Variants in TACR1 observed in about 807,000 individuals in gnomAD.
The protein encoded by TACR1 is substance-P receptor.
TACR1 carries 25 observed loss-of-function variants against 35.8 expected under a neutral mutation model. That is an observed-to-expected ratio of 0.70 (90% CI 0.51 to 0.98). The LOEUF (loss-of-function observed/expected upper bound fraction) is 0.98. Among genes scored for constraint, TACR1 ranks in the 50% least tolerant of loss-of-function variants. The probability of loss-of-function intolerance (pLI) is 0.00; values close to 1 mark genes in which losing one functional copy is unlikely to be tolerated. For missense variants in TACR1, 478 were observed against 522.9 expected (o/e 0.91, Z 0.84); for synonymous variants, 195 against 206.7 (o/e 0.94, Z 0.48).
intron 1 of TACR1, among the ~76,000 whole-genome samples, chr2:75,139,590 G>T (rs890779468): frequency 2.0e-5 from 3 of 152,198 alleles, no homozygotes; most frequent in Non-Finnish European, 4.4e-5. Flanking sequence ...AAGCCACTAG[G>T]TCTCTACATA....
At chr2:75,063,451 C>T (rs1397391248) in intron 2 of TACR1, among the ~76,000 whole-genome samples, 1 of 152,160 alleles carries the variant, frequency 6.6e-6, no homozygotes, top group Non-Finnish European at 1.5e-5. Flanking sequence ...AACTATTCAG[C>T]CCATTAAGGA....
At chr2:75,115,634 C>A (rs1205659928) in intron 2 of TACR1, among the ~76,000 whole-genome samples, 2 of 151,994 alleles carry the variant, frequency 1.3e-5, no homozygotes, top group Admixed American at 1.3e-4. Context: ...AGGCCGGGCA[C>A]GGTGGCTCAC....
At chr2:75,130,895 C>A (rs113843204) in intron 1 of TACR1, among the ~76,000 whole-genome samples, 3,127 of 152,224 alleles carry the variant, frequency 0.021, 101 homozygotes, top group African/African-American at 0.07. Flanking sequence ...ATTAAATGAC[C>A]GTTGTTCTAA....
intron 2 of TACR1, among the ~76,000 whole-genome samples, chr2:75,098,912 C>CT (rs201792078): frequency 0.2 from 28,317 of 144,604 alleles, 3,473 homozygotes; most frequent in East Asian, 0.49. Flanking sequence ...CAAATTAAGG[C>CT]TTTTTTTTTT....
At chr2:75,117,967 T>C (rs1184735408) in intron 2 of TACR1, among the ~76,000 whole-genome samples, 1 of 152,240 alleles carries the variant, frequency 6.6e-6, no homozygotes, top group Non-Finnish European at 1.5e-5. Context: ...TCTGTACTAT[T>C]AGGCTCAGAG....
intron 1 of TACR1, among the ~76,000 whole-genome samples, chr2:75,185,207 AAG>A (rs1333209948): frequency 1.3e-5 from 2 of 152,016 alleles, no homozygotes; most frequent in Admixed American, 1.3e-4. Context: ...GCATTTAAAA[AAG>A]AGGTAATCTA....
In TACR1 at chr2:75,198,446, AT is replaced by A. The variant is rs1324689087; in HGVS notation, c.389+99del. 48 of 1,409,784 alleles carry A rather than the reference AT, an allele frequency of 3.4e-5. No homozygotes were observed. In the East Asian group the frequency reaches 1.0e-3, roughly 30 times the overall value. The allele number at this position is 1,409,784 out of a possible 1,614,324, so 87.3% of individuals were successfully genotyped here. ...AGTAAAAAAACCCTCAGAGTGGCCA[AT>A]CTTCCACTTGACCCATACCCCACCC... On this transcript the variant is annotated intron_variant, in intron 1 of 4. Transcript: ENST00000305249.
At chr2:75,053,148 A>G (rs1672500623) in intron 3 of TACR1, among the ~76,000 whole-genome samples, 1 of 152,120 alleles carries the variant, frequency 6.6e-6, no homozygotes. Flanking sequence ...ACTGCAAAGA[A>G]ACTCACTCAC....
intron 2 of TACR1, among the ~76,000 whole-genome samples, chr2:75,078,610 C>T (rs1673022962): frequency 6.6e-6 from 1 of 152,288 alleles, no homozygotes; most frequent in East Asian, 1.9e-4. Flanking sequence ...TCCACCTGAA[C>T]CTACTCCAGT....
chr2:75,079,648 T>G (rs1286599799), intron 2 of TACR1, among the ~76,000 whole-genome samples: 4 of 152,162 alleles, frequency 2.6e-5, no homozygotes, highest in Non-Finnish European at 5.9e-5. Flanking sequence ...TTCTTTCTCT[T>G]GAAGGTTCCC....
intron 2 of TACR1, among the ~76,000 whole-genome samples, chr2:75,063,714 A>G (rs1040920743): frequency 5.3e-5 from 8 of 152,136 alleles, no homozygotes; most frequent in African/African-American, 1.9e-4. Context: ...CACATCCTTT[A>G]TCTATGGCAG....
At chr2:75,178,870 G>A (rs867512746) in intron 1 of TACR1, among the ~76,000 whole-genome samples, 3 of 151,970 alleles carry the variant, frequency 2.0e-5, no homozygotes, top group South Asian at 2.1e-4. Flanking sequence ...CCATCTCATC[G>A]TCCTGATTTT....
rs142662817 is a variant in TACR1, at chr2:75,193,995, A to G, written c.389+4551T>C. Among the ~76,000 whole-genome samples, 4 of 152,172 alleles carry G rather than the reference A, an allele frequency of 2.6e-5. No homozygotes were observed. The East Asian group carries it at 7.7e-4, about 29-fold the overall frequency. On this transcript the variant is annotated intron_variant, in intron 1 of 4. Transcript: ENST00000305249. ...ATGGTGTTTCTGTCTCATGATCCTCACTCTAATTCAGCAACAATAATAGTA... is the reference window on the plus strand; with the variant it reads ...ATGGTGTTTCTGTCTCATGATCCTCGCTCTAATTCAGCAACAATAATAGTA...
intron 1 of TACR1, among the ~76,000 whole-genome samples, chr2:75,130,460 T>A (rs1473564118): frequency 6.6e-6 from 1 of 152,254 alleles, no homozygotes; most frequent in South Asian, 2.1e-4. Context: ...CTGGAGAGTA[T>A]GAAGATTATT....
intron 1 of TACR1, among the ~76,000 whole-genome samples, chr2:75,174,798 G>T (rs1675373584): frequency 6.6e-6 from 1 of 152,112 alleles, no homozygotes; most frequent in Admixed American, 6.5e-5. Context: ...TTTGCATAAT[G>T]GTTGGGGATT....
chr2:75,126,209 A>G (rs1394066473), intron 1 of TACR1, among the ~76,000 whole-genome samples: 4 of 152,094 alleles, frequency 2.6e-5, no homozygotes, highest in Admixed American at 2.6e-4. Flanking sequence ...TGCTAAGGAT[A>G]ATAGCCTCCA....
chr2:75,121,087 A>T (rs779366755), intron 1 of TACR1, among the ~76,000 whole-genome samples: 15 of 152,236 alleles, frequency 9.9e-5, no homozygotes, highest in South Asian at 2.1e-4. Context: ...GTGAAATTAG[A>T]AAAATAAGAA....
At chr2:75,192,285 A>G (rs1245739161) in intron 1 of TACR1, among the ~76,000 whole-genome samples, 1 of 152,178 alleles carries the variant, frequency 6.6e-6, no homozygotes, top group Admixed American at 6.5e-5. Flanking sequence ...GCTTCAAGAT[A>G]AATAGAAGCT....
At chr2:75,050,806 G>T (rs1255265573) in intron 4 of TACR1, among the ~76,000 whole-genome samples, 1 of 152,214 alleles carries the variant, frequency 6.6e-6, no homozygotes, top group Non-Finnish European at 1.5e-5. Flanking sequence ...ATCAGAGAGG[G>T]CGAATGTGCT....
Sources: allele counts gnomAD v4.1 joint callset (sites outside exome capture counted in the v4.1 genomes callset), GRCh38; gene constraint gnomAD v4.1.1; transcripts MANE v1.5; gene names NCBI Gene and HGNC (gene_info 2026-07-23, HGNC 2026-07-21).